Variants in PREX1 observed in about 807,000 individuals in gnomAD.
The protein encoded by PREX1 is phosphatidylinositol-3,4,5-trisphosphate dependent Rac exchange factor 1.
Under a neutral mutation model 198.3 loss-of-function variants are expected in PREX1, and 41 were observed. The ratio of observed to expected loss-of-function variants is 0.21; its 90% CI spans 0.16 to 0.27. The LOEUF (loss-of-function observed/expected upper bound fraction) is 0.27, where lower values mean the gene tolerates loss of function less well. PREX1 is among the 10% of genes least tolerant of loss of function. The pLI is 1.00. For missense variants in PREX1, 1,620 were observed against 2,200.7 expected (o/e 0.74, Z 5.28); for synonymous variants, 843 against 887.2 (o/e 0.95, Z 0.89).
chr20:48,728,544 G>T (rs1486509925), intron 4 of PREX1, among the ~76,000 whole-genome samples: 1 of 152,238 alleles, frequency 6.6e-6, no homozygotes, highest in Admixed American at 6.5e-5. Context: ...ACAGATGGGG[G>T]ATTGAGGCTG....
At chr20:48,771,270 C>T (rs1179179402) in intron 1 of PREX1, among the ~76,000 whole-genome samples, 1 of 150,614 alleles carries the variant, frequency 6.6e-6, no homozygotes, top group Non-Finnish European at 1.5e-5. Flanking sequence ...TAGGTTGTTG[C>T]CGATTTTGAG....
At position 48,692,726 on chromosome 20, in the gene PREX1, T is replaced by G. The variant is rs1242459747; in HGVS notation, c.982A>C (p.Arg328=). The change falls in exon 8 of 40, where the codon AGG becomes CGG. Residue 328 remains arginine, a synonymous_variant. Coordinates refer to ENST00000371941, the MANE Select transcript of PREX1 (RefSeq NM_020820.4). ...ATGACTTCAGTGTTGATTCGACCCCTGAAGATGTAGAGGGAGCCGTTGATG... is the reference window on the plus strand; with the variant it reads ...ATGACTTCAGTGTTGATTCGACCCCGGAAGATGTAGAGGGAGCCGTTGATG... The part of the protein sequence containing the change: ...KSINGSLYIF[R]GRINTEVMEV... 3.7e-6 allele frequency: 6 copies of G among 1,614,042 alleles called. No individual in the cohort carries two copies. The highest frequency in any genetic ancestry group is 4.2e-6 in the Non-Finnish European group (5 of 1,179,986).
chr20:48,839,658 T>C, the PREX1 span, among the ~76,000 whole-genome samples: 1 of 152,250 alleles, frequency 6.6e-6, no homozygotes, highest in African/African-American at 2.4e-5. Flanking sequence ...GCGGACTACA[T>C]TTCCCAGGCC....
intron 1 of PREX1, among the ~76,000 whole-genome samples, chr20:48,772,451 G>A (rs559362122): frequency 1.3e-5 from 2 of 152,164 alleles, no homozygotes; most frequent in Non-Finnish European, 2.9e-5. Context: ...ACCTGCAGAA[G>A]AGATGCCCCA....
At position 48,692,920 on chromosome 20, in the gene PREX1, G is replaced by A. The variant is rs144159297; in HGVS notation, c.918-130C>T. ...AGAGAGGAGCCCCAGGTAGGGGTCA[G>A]GAGCAGGAGTGTTTGGCTGGTGCTG... On this transcript the variant is annotated intron_variant, in intron 7 of 39. Coordinates refer to ENST00000371941, the MANE Select transcript of PREX1 (RefSeq NM_020820.4). 227 of 746,254 alleles carry A rather than the reference G, an allele frequency of 3.0e-4. 3 individuals carry two copies. The East Asian group carries it at 4.4e-3, about 14-fold the overall frequency. 46.2% of individuals were successfully genotyped at this position (746,254 alleles called of 1,614,324 possible).
intron 25 of PREX1, 111 bp from the exon 26 acceptor site, chr20:48,646,168 G>A (rs916700543): frequency 9.3e-7 from 1 of 1,080,698 alleles, no homozygotes; most frequent in South Asian, 1.4e-5. Context: ...CCTGTTGGGG[G>A]TGGGAGACTC....
chr20:48,770,724 G>T lies in PREX1; in HGVS notation c.220-22844C>A, dbSNP rs377475809. 3.6e-4 allele frequency among the ~76,000 whole-genome samples: 55 copies of T among 152,134 alleles called. No individual in the cohort carries two copies. The East Asian group carries it at 9.7e-3, about 27-fold the overall frequency. On this transcript the variant is annotated intron_variant, in intron 1 of 39. Coordinates refer to ENST00000371941, the MANE Select transcript of PREX1 (RefSeq NM_020820.4). ...ATCTCCATCTCAAAAAAAAAAATCTGGCCATGCAGAAGTGAGGAAGGAAAG... is the reference window on the plus strand; with the variant it reads ...ATCTCCATCTCAAAAAAAAAAATCTTGCCATGCAGAAGTGAGGAAGGAAAG...
intron 14 of PREX1, among the ~76,000 whole-genome samples, chr20:48,671,735 C>T (rs765693786): frequency 6.6e-6 from 1 of 150,746 alleles, no homozygotes; most frequent in South Asian, 2.1e-4. Flanking sequence ...AGATCTCTCC[C>T]GCACAGAAAG....
chr20:48,834,545 G>C, the PREX1 span, among the ~76,000 whole-genome samples: 2 of 150,584 alleles, frequency 1.3e-5, no homozygotes, highest in Admixed American at 1.3e-4. Context: ...CAAATTTCCA[G>C]GGCAAATTCC....
rs1202013241 is a variant in PREX1 at position 48,625,567 on chromosome 20, G to C, written c.*318C>G. ...GGTGGCCCCATGTGGCCTCCATGACGTTCCCTTGGGTTCTGGGGACGCAGG... is the reference window on the plus strand; with the variant it reads ...GGTGGCCCCATGTGGCCTCCATGACCTTCCCTTGGGTTCTGGGGACGCAGG... On this transcript the variant is annotated 3_prime_UTR_variant, in exon 40 of 40. Coordinates refer to ENST00000371941, the MANE Select transcript of PREX1 (RefSeq NM_020820.4). The C allele has an allele frequency of 3.1e-6, 1 of 326,924 alleles. No individual in the cohort carries two copies. Among genetic ancestry groups the C allele is most frequent in the Non-Finnish European group, 5.6e-6 (1 of 179,260 alleles). The allele number at this position is 326,924 out of a possible 1,614,324, so 20.3% of individuals were successfully genotyped here.
intron 27 of PREX1, 32 bp downstream of exon 27, chr20:48,644,376 TC>T (rs2089435917): frequency 6.4e-7 from 1 of 1,552,884 alleles, no homozygotes; most frequent in Non-Finnish European, 8.9e-7. Context: ...GGAGCCTCTC[TC>T]CCTGAGCACA....
At position 48,701,675 on chromosome 20, in the gene PREX1, C is replaced by T. The variant is rs375918449; in HGVS notation, c.784-789G>A. Among the ~76,000 whole-genome samples the T allele has an allele frequency of 5.9e-5, 9 of 152,224 alleles. No homozygotes were observed. The East Asian group carries it at 7.7e-4, about 13-fold the overall frequency. Reference sequence around the variant, plus strand: ...ACGTATGCCCAGCACCCACAACACTCTCTGGCACACAGTAGGTGCTCAACA... The same window carrying T: ...ACGTATGCCCAGCACCCACAACACTTTCTGGCACACAGTAGGTGCTCAACA... On this transcript the variant is annotated intron_variant, in intron 6 of 39. Transcript: ENST00000371941.
rs144879748 is a variant in PREX1, at chr20:48,801,717, T to C, written c.219+25925A>G. Among the ~76,000 whole-genome samples the C allele has an allele frequency of 3.9e-5, 6 of 152,310 alleles. No individual in the cohort carries two copies. The East Asian group carries it at 1.2e-3, about 29-fold the overall frequency. On this transcript the variant is annotated intron_variant, in intron 1 of 39. Coordinates refer to ENST00000371941, the MANE Select transcript of PREX1 (RefSeq NM_020820.4). ...CTGCTATGGTTTAGCTATGGCTTAT[T>C]TGTCCCCACCAAAACTCATGTTGAA...
At chr20:48,722,705 C>A (rs748215917) in intron 5 of PREX1, among the ~76,000 whole-genome samples, 1 of 152,190 alleles carries the variant, frequency 6.6e-6, no homozygotes, top group Non-Finnish European at 1.5e-5. Flanking sequence ...CAAGATCAAG[C>A]GGCCAGAGAG....
chr20:48,685,081 C>T (rs919818851), intron 10 of PREX1, among the ~76,000 whole-genome samples: 13 of 152,184 alleles, frequency 8.5e-5, no homozygotes, highest in African/African-American at 2.9e-4. Context: ...CTGAAATTCC[C>T]TTCTTTCTAT....
intron 17 of PREX1, among the ~76,000 whole-genome samples, chr20:48,657,721 A>G (rs921860305): frequency 2.7e-5 from 4 of 150,712 alleles, no homozygotes; most frequent in African/African-American, 9.8e-5. Flanking sequence ...CGCCCCAGGC[A>G]AAGCCGGAAG....
At chr20:48,631,170 G>T (rs905737047) in intron 35 of PREX1, among the ~76,000 whole-genome samples, 6 of 152,212 alleles carry the variant, frequency 3.9e-5, no homozygotes, top group Non-Finnish European at 8.8e-5. Flanking sequence ...ACAGGGGTCA[G>T]CGAACTTCTT....
chr20:48,718,911 C>T (rs2089973796), intron 5 of PREX1, among the ~76,000 whole-genome samples: 1 of 152,166 alleles, frequency 6.6e-6, no homozygotes, highest in African/African-American at 2.4e-5. Context: ...AGAGGCAATG[C>T]TAATAAGGTC....
At chr20:48,697,521 C>T (rs1295844274) in intron 7 of PREX1, among the ~76,000 whole-genome samples, 1 of 152,046 alleles carries the variant, frequency 6.6e-6, no homozygotes, top group Non-Finnish European at 1.5e-5. Flanking sequence ...GCTGGGATTA[C>T]AAGCGTGTGC....
Sources: allele counts gnomAD v4.1 joint callset (sites outside exome capture counted in the v4.1 genomes callset), GRCh38; gene constraint gnomAD v4.1.1; transcripts MANE v1.5; gene names NCBI Gene and HGNC (gene_info 2026-07-23, HGNC 2026-07-21).